MITF: variants seen among roughly 807,000 people sequenced by gnomAD.
MITF encodes melanocyte inducing transcription factor.
A neutral mutation model predicts 60.5 loss-of-function variants in MITF; 17 were observed. The ratio of observed to expected loss-of-function variants is 0.28; its 90% confidence interval spans 0.19 to 0.42. The LOEUF (loss-of-function observed/expected upper bound fraction) is 0.42. Among genes scored for constraint, MITF ranks in the 10% least tolerant of loss-of-function variants. MITF has a pLI of 1.00. For missense variants in MITF, 622 were observed against 683.5 expected (o/e 0.91, Z 1.00); for synonymous variants, 260 against 248.5 (o/e 1.05, Z -0.43).
chr3:69,811,032 A>G (rs1341049832), intron 1 of MITF, among the ~76,000 whole-genome samples: 2 of 152,188 alleles, frequency 1.3e-5, no homozygotes, highest in African/African-American at 4.8e-5. Context: ...TATTCTGCAC[A>G]TTAATTTTAA....
chr3:69,768,793 G>A (rs915458725), intron 1 of MITF, among the ~76,000 whole-genome samples: 1 of 152,184 alleles, frequency 6.6e-6, no homozygotes, highest in African/African-American at 2.4e-5. Flanking sequence ...TTATAATAAT[G>A]TGGAGTCAAA....
intron 1 of MITF, among the ~76,000 whole-genome samples, chr3:69,844,628 A>C (rs1365841386): frequency 1.3e-5 from 2 of 152,176 alleles, no homozygotes; most frequent in East Asian, 3.9e-4. Flanking sequence ...AAATGGGATC[A>C]AATTAAACTA....
At chr3:69,766,531 T>C (rs2062298131) in intron 1 of MITF, among the ~76,000 whole-genome samples, 1 of 151,922 alleles carries the variant, frequency 6.6e-6, no homozygotes, top group Non-Finnish European at 1.5e-5. Context: ...CTAGCCTCTT[T>C]ATCATTTTGT....
intron 1 of MITF, chr3:69,763,709 C>G: frequency 7.6e-7 from 1 of 1,313,716 alleles, no homozygotes; most frequent in South Asian, 1.4e-5. Context: ...GTTTTCAGCT[C>G]TCTTCTGTAG....
chr3:69,847,239 T>G (rs2063747718), intron 1 of MITF, among the ~76,000 whole-genome samples: 1 of 152,160 alleles, frequency 6.6e-6, no homozygotes, highest in Non-Finnish European at 1.5e-5. Flanking sequence ...GAGCTCACAG[T>G]AAGAGCTCAG....
intron 1 of MITF, among the ~76,000 whole-genome samples, chr3:69,783,487 GATAT>G (rs149413358): frequency 1.4e-5 from 2 of 145,786 alleles, no homozygotes; most frequent in Non-Finnish European, 3.0e-5. Flanking sequence ...TGATATGTAG[GATAT>G]ATATATATAT....
intron 2 of MITF, among the ~76,000 whole-genome samples, chr3:69,932,046 T>A (rs910079205): frequency 6.6e-6 from 1 of 152,250 alleles, no homozygotes; most frequent in African/African-American, 2.4e-5. Flanking sequence ...AAATTACGTA[T>A]ACATATACTA....
At chr3:69,825,183 C>T (rs1339396202) in intron 1 of MITF, among the ~76,000 whole-genome samples, 3 of 152,124 alleles carry the variant, frequency 2.0e-5, no homozygotes, top group Admixed American at 2.0e-4. Context: ...TATAGGGTCC[C>T]ATCAATAGTA....
intron 1 of MITF, among the ~76,000 whole-genome samples, chr3:69,822,749 C>T (rs2063295335): frequency 6.6e-6 from 1 of 152,162 alleles, no homozygotes. Context: ...CACATACAAA[C>T]ACCAAATACT....
intron 1 of MITF, among the ~76,000 whole-genome samples, chr3:69,864,327 G>C (rs1186106148): frequency 2.0e-5 from 3 of 152,218 alleles, no homozygotes; most frequent in Non-Finnish European, 4.4e-5. Context: ...GGATAGGTTA[G>C]TAAGATAAAT....
At chr3:69,820,100 A>G (rs746723231) in intron 1 of MITF, among the ~76,000 whole-genome samples, 4 of 152,384 alleles carry the variant, frequency 2.6e-5, no homozygotes, top group South Asian at 2.1e-4. Flanking sequence ...ACCAGACCTC[A>G]TAGATTTCAT....
At chr3:69,909,447 G>A (rs1403735720) in intron 2 of MITF, among the ~76,000 whole-genome samples, 1 of 152,212 alleles carries the variant, frequency 6.6e-6, no homozygotes, top group African/African-American at 2.4e-5. Flanking sequence ...CAAAAATGTG[G>A]AAGCGACTTT....
intron 1 of MITF, among the ~76,000 whole-genome samples, chr3:69,785,731 A>C (rs1051400913): frequency 6.6e-6 from 1 of 152,146 alleles, no homozygotes; most frequent in African/African-American, 2.4e-5. Flanking sequence ...ACAACCTGAG[A>C]AAGTTCATCC....
intron 1 of MITF, among the ~76,000 whole-genome samples, chr3:69,781,984 A>G (rs924015228): frequency 6.6e-6 from 1 of 152,036 alleles, no homozygotes; most frequent in African/African-American, 2.4e-5. Flanking sequence ...AGACACTAAC[A>G]CAGTTCATTG....
At chr3:69,785,373 C>G (rs1194249483) in intron 1 of MITF, among the ~76,000 whole-genome samples, 4 of 152,176 alleles carry the variant, frequency 2.6e-5, no homozygotes, top group Non-Finnish European at 5.9e-5. Context: ...TGTGCACTAT[C>G]TCATTTAAAT....
chr3:69,958,151 A>G (rs1225529880), intron 8 of MITF, among the ~76,000 whole-genome samples: 1 of 152,228 alleles, frequency 6.6e-6, no homozygotes, highest in Non-Finnish European at 1.5e-5. Flanking sequence ...GGTTGAAACA[A>G]TCACTTCTTT....
intron 1 of MITF, among the ~76,000 whole-genome samples, chr3:69,803,860 A>G (rs1043722221): frequency 6.6e-6 from 1 of 151,316 alleles, no homozygotes; most frequent in Non-Finnish European, 1.5e-5. Flanking sequence ...ATTTTCCTGT[A>G]GTGAGGAAGA....
At chr3:69,750,471 CTTTTTTT>C (rs199909971) in intron 1 of MITF, among the ~76,000 whole-genome samples, 6 of 123,860 alleles carry the variant, frequency 4.8e-5, no homozygotes, top group African/African-American at 1.8e-4. Flanking sequence ...AGTGACACTC[CTTTTTTT>C]TTTTTTTTTT....
intron 2 of MITF, among the ~76,000 whole-genome samples, chr3:69,888,631 A>G (rs2064681491): frequency 6.6e-6 from 1 of 152,064 alleles, no homozygotes; most frequent in Non-Finnish European, 1.5e-5. Context: ...CTCTTGGCTT[A>G]TTTTATAAAA....
Sources: allele counts gnomAD v4.1 joint callset (sites outside exome capture counted in the v4.1 genomes callset), GRCh38; gene constraint gnomAD v4.1.1; transcripts MANE v1.5; gene names NCBI Gene and HGNC (gene_info 2026-07-23, HGNC 2026-07-21).